Variants in ACOT7 observed in about 807,000 individuals in gnomAD.
ACOT7 encodes the protein cytosolic acyl coenzyme A thioester hydrolase.
In ACOT7, 12 loss-of-function variants were observed where a neutral mutation model predicts 40.2. That is an observed-to-expected ratio of 0.30 (90% CI 0.19 to 0.48). ACOT7 has a LOEUF of 0.48. Ranked by LOEUF, ACOT7 falls within the 20% of genes least tolerant of loss-of-function variation. ACOT7 has a pLI of 0.99. For missense variants in ACOT7, 395 were observed against 530.8 expected (o/e 0.74, Z 2.51); for synonymous variants, 228 against 219.5 (o/e 1.04, Z -0.34).
chr1:6,280,266 C>G (rs572286631), intron 8 of ACOT7, among the ~76,000 whole-genome samples: 38 of 152,366 alleles, frequency 2.5e-4, no homozygotes, highest in Middle Eastern at 3.4e-3. Flanking sequence ...GTGACAGACA[C>G]AAGAGCTGGT....
intron 6 of ACOT7, among the ~76,000 whole-genome samples, chr1:6,304,571 T>C (rs1640068047): frequency 7.5e-6 from 1 of 133,876 alleles, no homozygotes; most frequent in South Asian, 2.6e-4. Context: ...CCCTGGGTAC[T>C]TGAGATTAGG....
chr1:6,369,387 A>C (rs1003387688), intron 1 of ACOT7, among the ~76,000 whole-genome samples: 10 of 150,370 alleles, frequency 6.7e-5, no homozygotes, highest in Non-Finnish European at 1.5e-5. Flanking sequence ...AGAGCCCCAC[A>C]AAATGCATTT....
chr1:6,306,176 G>C lies in ACOT7; in HGVS notation c.713-11196C>G, dbSNP rs1016905107. The C allele has an allele frequency of 1.1e-6, 1 of 898,524 alleles. No homozygotes were observed. The highest frequency in any genetic ancestry group is 1.3e-6 in the Non-Finnish European group (1 of 755,510). The allele number at this position is 898,524 out of a possible 1,614,324, so 55.7% of individuals were successfully genotyped here. ...TTCGGCTCGGCATCAGAGGGAGACC[G>C]TGGCAAGAGAGGGAGAGGGAGACCG... On this transcript the variant is annotated intron_variant, in intron 6 of 8. Transcript: ENST00000361521. This position sits in a 1 kb window ranked among gnomAD's most constrained non-coding sequence, Gnocchi z 4.3.
chr1:6,318,611 G>C, intron 5 of ACOT7, 33 bp from the exon 6 acceptor site: 2 of 1,605,468 alleles, frequency 1.2e-6, no homozygotes. Context: ...TTAGTTATGG[G>C]GTAGGCTGAT....
chr1:6,341,080 A>T (rs144192405), intron 2 of ACOT7, among the ~76,000 whole-genome samples: 96 of 151,856 alleles, frequency 6.3e-4, no homozygotes, highest in Non-Finnish European at 1.1e-3. Flanking sequence ...TCTCACCTTG[A>T]TTCTTTTTCA....
At chr1:6,307,474 T>C (rs186231816) in intron 6 of ACOT7, among the ~76,000 whole-genome samples, 27 of 152,306 alleles carry the variant, frequency 1.8e-4, no homozygotes, top group Admixed American at 1.1e-3. Flanking sequence ...TGCCTTGGAA[T>C]AAAAAGTAAG....
At chr1:6,317,945 C>T (rs61763898) in intron 6 of ACOT7, among the ~76,000 whole-genome samples, 13,183 of 152,078 alleles carry the variant, frequency 0.087, 987 homozygotes, top group African/African-American at 0.19. Flanking sequence ...TTGGCCAGGC[C>T]GGTCTTGAAC....
chr1:6,381,181 A>G (rs554362513), intron 1 of ACOT7, among the ~76,000 whole-genome samples: 10 of 151,940 alleles, frequency 6.6e-5, no homozygotes, highest in Non-Finnish European at 1.0e-4. Flanking sequence ...TCAGTTTCAG[A>G]ATACTGATGA....
intron 6 of ACOT7, among the ~76,000 whole-genome samples, chr1:6,308,657 A>T (rs1305369221): frequency 1.3e-5 from 2 of 152,082 alleles, no homozygotes; most frequent in Non-Finnish European, 2.9e-5. Flanking sequence ...AGGCAGAAGG[A>T]ACAGCAACAG....
chr1:6,357,980 C>A (rs552257291), intron 1 of ACOT7, among the ~76,000 whole-genome samples: 1 of 152,074 alleles, frequency 6.6e-6, no homozygotes, highest in East Asian at 1.9e-4. Flanking sequence ...GATTCTCCTA[C>A]CTCAGCCTCC....
At chr1:6,370,552 C>T (rs960804566) in intron 1 of ACOT7, among the ~76,000 whole-genome samples, 11 of 150,690 alleles carry the variant, frequency 7.3e-5, no homozygotes, top group African/African-American at 2.7e-4. Context: ...TGCAGTGGTG[C>T]GATCTCAGCT....
chr1:6,353,855 T>C (rs1196554473), intron 1 of ACOT7, among the ~76,000 whole-genome samples: 1 of 151,922 alleles, frequency 6.6e-6, no homozygotes, highest in Non-Finnish European at 1.5e-5. Context: ...CCCAGAAACT[T>C]CAAGGAAAGA....
At chr1:6,327,615 C>T (rs1409404051) in intron 4 of ACOT7, among the ~76,000 whole-genome samples, 1 of 152,166 alleles carries the variant, frequency 6.6e-6, no homozygotes, top group Non-Finnish European at 1.5e-5. Flanking sequence ...CAACCTGGGT[C>T]AAGTGTTTGG....
In ACOT7 at chr1:6,350,569, C is replaced by A. The variant is rs991398507; in HGVS notation, c.144-703G>T. Among the ~76,000 whole-genome samples the A allele has an allele frequency of 7.9e-5, 12 of 152,260 alleles. 1 individual carries two copies. The highest frequency in any genetic ancestry group is 1.7e-4 in the African/African-American group (7 of 41,474). On this transcript the variant is annotated intron_variant, in intron 1 of 8. Transcript: ENST00000361521. Reference sequence around the variant, plus strand: ...CTCCACGAAATCTCTGGAATCCCAACAAGCCAGCTTGGCAGTCCTGCCAGG... The same window carrying A: ...CTCCACGAAATCTCTGGAATCCCAAAAAGCCAGCTTGGCAGTCCTGCCAGG...
At chr1:6,286,002 G>A (rs1639493806) in intron 7 of ACOT7, among the ~76,000 whole-genome samples, 1 of 152,202 alleles carries the variant, frequency 6.6e-6, no homozygotes, top group Admixed American at 6.5e-5. Context: ...CCACGCACCT[G>A]TCTCAGAAAC....
chr1:6,380,570 C>A, intron 1 of ACOT7, among the ~76,000 whole-genome samples: 1 of 138,636 alleles, frequency 7.2e-6, no homozygotes. Context: ...GCCTGGGCAA[C>A]AGAGCAAGAC....
intron 7 of ACOT7, 74 bp from the exon 8 acceptor site, chr1:6,281,360 G>A: frequency 7.2e-7 from 1 of 1,385,516 alleles, no homozygotes; most frequent in Middle Eastern, 1.8e-4. Context: ...GCGTTTCTGT[G>A]GTCAGCAGGC....
intron 6 of ACOT7, among the ~76,000 whole-genome samples, chr1:6,302,601 A>G (rs1265911052): frequency 6.6e-6 from 1 of 152,008 alleles, no homozygotes; most frequent in Non-Finnish European, 1.5e-5. Flanking sequence ...TAGAAAAACC[A>G]TGGTCTGTGT....
chr1:6,350,508 C>A (rs2148456296), intron 1 of ACOT7, among the ~76,000 whole-genome samples: 1 of 152,360 alleles, frequency 6.6e-6, no homozygotes, highest in African/African-American at 2.4e-5. Context: ...AGAGGAACAA[C>A]TTCATCCTTG....
Sources: allele counts gnomAD v4.1 joint callset (sites outside exome capture counted in the v4.1 genomes callset), GRCh38; gene constraint gnomAD v4.1.1; non-coding constraint Gnocchi (gnomAD v3.1); transcripts MANE v1.5; gene names NCBI Gene and HGNC (gene_info 2026-07-23, HGNC 2026-07-21).